The following FSTL5 variants were observed in gnomAD, a reference collection of about 807,000 sequenced individuals.
The protein encoded by FSTL5 is follistatin-related protein 5.
A neutral mutation model predicts 89.1 loss-of-function variants in FSTL5; 62 were observed. The ratio of observed to expected loss-of-function variants is 0.70; its 90% CI spans 0.57 to 0.86. FSTL5 has a LOEUF of 0.86. FSTL5 is among the 40% of genes least tolerant of loss of function. The pLI, the probability that FSTL5 is intolerant of heterozygous loss-of-function variation, is 0.00. For synonymous variants in FSTL5, 383 were observed against 346.2 expected, an observed-to-expected ratio of 1.11 and a Z score of -1.18; for missense variants, 1,057 against 1,001.6, an observed-to-expected ratio of 1.06 and a Z score of -0.75.
intron 3 of FSTL5, among the ~76,000 whole-genome samples, chr4:162,029,013 T>C (rs142477781): frequency 6.6e-6 from 1 of 152,274 alleles, no homozygotes; most frequent in African/African-American, 2.4e-5. Flanking sequence ...TTGATTGATA[T>C]AAATATATGT....
chr4:161,870,993 C>T (rs1732244881), intron 4 of FSTL5, among the ~76,000 whole-genome samples: 1 of 152,030 alleles, frequency 6.6e-6, no homozygotes, highest in Non-Finnish European at 1.5e-5. Context: ...AAAAATATAG[C>T]CACTTCTTTG....
chr4:161,386,309 T>C lies in FSTL5; in HGVS notation c.1982A>G (p.Tyr661Cys), dbSNP rs1730638630. Residue 661 changes from tyrosine (Y) to cysteine (C), a missense_variant, in exon 16 of 16, where the codon TAC (tyrosine) becomes TGC (cysteine). Tyr to Cys is a radical substitution (Grantham distance 194). Transcript: ENST00000306100. ...GCTGTCAGGTTTGCAGCCAATGAAG[T>C]AGTAGCCTCCCAAGTGTGTATATGC... ...SLAYTHLGGY[Y>C]FIGCKPDSTG... 1 of 1,613,724 alleles carries C rather than the reference T, an allele frequency of 6.2e-7. No homozygotes were observed.
chr4:162,050,165 C>G (rs1738333074), intron 2 of FSTL5, among the ~76,000 whole-genome samples: 1 of 151,598 alleles, frequency 6.6e-6, no homozygotes, highest in Non-Finnish European at 1.5e-5. Flanking sequence ...AGTGAATACA[C>G]AATCTAGAAT....
At chr4:162,112,897 A>C (rs1054389124) in intron 1 of FSTL5, among the ~76,000 whole-genome samples, 6 of 151,738 alleles carry the variant, frequency 4.0e-5, no homozygotes, top group Admixed American at 3.3e-4. Context: ...TGTTTTGTGG[A>C]AGAAATTGTC....
chr4:162,136,988 C>T (rs1237994879), intron 1 of FSTL5, among the ~76,000 whole-genome samples: 1 of 151,958 alleles, frequency 6.6e-6, no homozygotes, highest in Admixed American at 6.6e-5. Flanking sequence ...TTGAAACAGG[C>T]TGTTATAAAT....
intron 12 of FSTL5, among the ~76,000 whole-genome samples, chr4:161,493,544 T>C (rs544629368): frequency 6.6e-6 from 1 of 152,152 alleles, no homozygotes; most frequent in East Asian, 1.9e-4. Flanking sequence ...AGACTAAGTA[T>C]TCTTTAAGAC....
At chr4:161,448,197 C>T (rs12505871) in intron 15 of FSTL5, among the ~76,000 whole-genome samples, 3 of 151,898 alleles carry the variant, frequency 2.0e-5, no homozygotes, top group East Asian at 1.9e-4. Flanking sequence ...GGAGTTAAAA[C>T]GCACCTCACT....
chr4:161,396,662 A>G (rs1284212241), intron 15 of FSTL5, among the ~76,000 whole-genome samples: 1 of 151,700 alleles, frequency 6.6e-6, no homozygotes, highest in Non-Finnish European at 1.5e-5. Flanking sequence ...TTAAAAAAAA[A>G]AAAAAAGAAA....
At chr4:161,418,883 A>G (rs1731883059) in intron 15 of FSTL5, among the ~76,000 whole-genome samples, 1 of 152,218 alleles carries the variant, frequency 6.6e-6, no homozygotes, top group Non-Finnish European at 1.5e-5. Flanking sequence ...CTTGCATTAT[A>G]CAAGTGAAAT....
At position 161,673,610 on chromosome 4, in the gene FSTL5, T is replaced by G. The variant is rs556493428; in HGVS notation, c.728-17116A>C. 3.5e-4 allele frequency among the ~76,000 whole-genome samples: 54 copies of G among 152,150 alleles called. No homozygotes were observed. The East Asian group carries it at 9.4e-3, about 27-fold the overall frequency. On this transcript the variant is annotated intron_variant, in intron 6 of 15. Transcript: ENST00000306100. The stretch of plus-strand genomic sequence containing the variant: ...GTACAACTCACATGCAGATCCATTC[T>G]AGCCTCTGACACTATATTAATTTCT...
chr4:161,664,541 G>A (rs1302831646), intron 6 of FSTL5, among the ~76,000 whole-genome samples: 1 of 152,080 alleles, frequency 6.6e-6, no homozygotes, highest in East Asian at 1.9e-4. Flanking sequence ...CAGCCTGGAC[G>A]TTATTGTTCA....
intron 6 of FSTL5, among the ~76,000 whole-genome samples, chr4:161,694,068 A>G (rs1034411401): frequency 6.7e-6 from 1 of 149,702 alleles, no homozygotes; most frequent in African/African-American, 2.5e-5. Flanking sequence ...ATCTTTACAA[A>G]GAACCAACTT....
intron 8 of FSTL5, among the ~76,000 whole-genome samples, chr4:161,544,833 CTAA>C (rs987042083): frequency 3.3e-5 from 5 of 151,908 alleles, no homozygotes; most frequent in Admixed American, 6.6e-5. Flanking sequence ...TGCGATACTA[CTAA>C]TGTTACCTTT....
At chr4:161,684,674 A>G (rs1483175663) in intron 6 of FSTL5, among the ~76,000 whole-genome samples, 1 of 151,998 alleles carries the variant, frequency 6.6e-6, no homozygotes, top group African/African-American at 2.4e-5. Flanking sequence ...AGTCCTTTGT[A>G]GGATGCACAG....
chr4:162,156,537 A>G (rs542698774), intron 1 of FSTL5, among the ~76,000 whole-genome samples: 2 of 152,296 alleles, frequency 1.3e-5, no homozygotes, highest in East Asian at 3.9e-4. Flanking sequence ...CGTGGTACAC[A>G]TACACCATGT....
At position 161,386,443 on chromosome 4, in the gene FSTL5, T is replaced by A; in HGVS notation, c.1848A>T (p.Gly616=). 1.3e-6 allele frequency: 2 copies of A among 1,595,768 alleles called. No homozygotes were observed. The highest frequency in any genetic ancestry group is 2.2e-5 in the South Asian group (2 of 88,912). ...TTLIITHMRF[G]FILHKDEAAL... is the part of the protein sequence containing the mutation. Reference sequence around the variant, plus strand: ...CAGCTTCATCTTTATGAAGAATAAATCCAAACCTGAAAAAAATGAAAATCA... The same window carrying A: ...CAGCTTCATCTTTATGAAGAATAAAACCAAACCTGAAAAAAATGAAAATCA... The change falls in exon 16 of 16, where the codon GGA becomes GGT. Residue 616 remains glycine, a synonymous_variant. Coordinates refer to ENST00000306100, the MANE Select transcript of FSTL5 (RefSeq NM_020116.5).
intron 6 of FSTL5, among the ~76,000 whole-genome samples, chr4:161,684,256 T>C (rs906534579): frequency 3.3e-5 from 5 of 152,192 alleles, no homozygotes; most frequent in Non-Finnish European, 5.9e-5. Flanking sequence ...AAGTATCTTT[T>C]TGTATAATGA....
intron 3 of FSTL5, among the ~76,000 whole-genome samples, chr4:161,971,798 T>C (rs1398243572): frequency 6.6e-6 from 1 of 152,140 alleles, no homozygotes; most frequent in Non-Finnish European, 1.5e-5. Flanking sequence ...TATAAACAAA[T>C]AATGATTTTA....
At chr4:161,912,572 C>A (rs1222419810) in intron 4 of FSTL5, among the ~76,000 whole-genome samples, 4 of 152,284 alleles carry the variant, frequency 2.6e-5, no homozygotes, top group Non-Finnish European at 2.9e-5. Context: ...GCCTTCCCAT[C>A]CATGTGGAAC....
Sources: gnomAD v4.1 joint callset for allele counts (sites outside exome capture counted in the v4.1 genomes callset) on GRCh38, gnomAD v4.1.1 for gene constraint, MANE v1.5 for transcripts, NCBI Gene and HGNC (gene_info 2026-07-23, HGNC 2026-07-21) for gene names.